Variants in CAB39 observed in about 807,000 individuals in gnomAD.
CAB39 encodes the protein calcium binding protein 39.
Under a neutral mutation model 40.0 loss-of-function variants are expected in CAB39, and 8 were observed. That is an observed-to-expected ratio of 0.20 (90% CI 0.12 to 0.36). The LOEUF is 0.36. Among genes scored for constraint, CAB39 ranks in the 10% least tolerant of loss-of-function variants. The pLI is 1.00. For synonymous variants in CAB39, 156 were observed against 141.6 expected (o/e 1.10, Z -0.72); for missense variants, 270 against 401.1 (o/e 0.67, Z 2.79).
chr2:230,744,502 C>T (rs1024561773), intron 1 of CAB39, among the ~76,000 whole-genome samples: 3 of 151,216 alleles, frequency 2.0e-5, no homozygotes, highest in African/African-American at 7.3e-5. Flanking sequence ...CCGTGTTGGC[C>T]AGGCTGGTCT....
intron 2 of CAB39, among the ~76,000 whole-genome samples, chr2:230,782,813 C>CTTTCTTTCTTT (rs1286339069): frequency 1.6e-4 from 13 of 81,750 alleles, no homozygotes; most frequent in Non-Finnish European, 2.1e-4. Flanking sequence ...TTCTTTCTTT[C>CTTTCTTTCTTT]TTTTTTTTTT....
chr2:230,794,545 A>G (rs1695947010), intron 4 of CAB39, among the ~76,000 whole-genome samples: 1 of 152,214 alleles, frequency 6.6e-6, no homozygotes, highest in South Asian at 2.1e-4. Flanking sequence ...CAGAGGCATG[A>G]TATGAATGTT....
chr2:230,770,932 A>C (rs1695471729), intron 2 of CAB39, among the ~76,000 whole-genome samples: 1 of 152,208 alleles, frequency 6.6e-6, no homozygotes, highest in African/African-American at 2.4e-5. Flanking sequence ...TACAGCTAGC[A>C]TTATACATAT....
At chr2:230,815,928 C>T (rs1696392702) in intron 7 of CAB39, among the ~76,000 whole-genome samples, 1 of 152,190 alleles carries the variant, frequency 6.6e-6, no homozygotes, top group Admixed American at 6.5e-5. Context: ...ATATTTATGT[C>T]GCCAGCAAAT....
At position 230,718,799 on chromosome 2, in the gene CAB39, C is replaced by A. The variant is rs527873985; in HGVS notation, c.-44+5569C>A. ...ACACTGAGGCCCACCGTAACTAGAG[C>A]AGAGTTTGGTTCACTTTGAGCAGTA... On this transcript the variant is annotated intron_variant, in intron 1 of 8. Transcript: ENST00000258418. Among the ~76,000 whole-genome samples, 3 of 152,296 alleles carry A rather than the reference C, an allele frequency of 2.0e-5. No homozygotes were observed. In the East Asian group the frequency reaches 5.8e-4, roughly 29 times the overall value.
intron 1 of CAB39, among the ~76,000 whole-genome samples, chr2:230,722,173 G>A (rs76901213): frequency 0.039 from 5,916 of 151,578 alleles, 399 homozygotes; most frequent in African/African-American, 0.14. Context: ...TTACTACATA[G>A]AATGCATTCT....
chr2:230,745,221 A>G (rs1247993902), intron 1 of CAB39, among the ~76,000 whole-genome samples: 2 of 152,252 alleles, frequency 1.3e-5, no homozygotes, highest in African/African-American at 4.8e-5. Context: ...TACTTGACAT[A>G]TATAATAGGT....
intron 1 of CAB39, among the ~76,000 whole-genome samples, chr2:230,748,829 AAAATATATATAT>A (rs1302143993): frequency 0.011 from 495 of 46,414 alleles, 10 homozygotes; most frequent in Middle Eastern, 0.061. Flanking sequence ...AAAAAAAAAA[AAAATATATATAT>A]ATATATATAT....
intron 2 of CAB39, among the ~76,000 whole-genome samples, chr2:230,768,412 G>A (rs1053804434): frequency 6.6e-6 from 1 of 152,172 alleles, no homozygotes; most frequent in Non-Finnish European, 1.5e-5. Flanking sequence ...CATCTTCCCT[G>A]TAGTTAAGGG....
Position 230,814,050 on chromosome 2 carries a change from T to G in CAB39, c.629T>G (p.Phe210Cys), listed in dbSNP as rs529287728. The change falls in exon 7 of 9, where the codon TTT (phenylalanine) becomes TGT (cysteine). Residue 210 changes from phenylalanine to cysteine, a missense_variant and splice_region_variant. Phe to Cys is a radical substitution (Grantham distance 205). Coordinates refer to ENST00000258418, the MANE Select transcript of CAB39 (RefSeq NM_016289.4). ...AEFLEQHYDR[F>C]FSEYEKLLHS... ...GATTTATGTTCTCTTATCTTTTAGT[T>G]TTTCAGTGAATATGAGAAGTTACTT... is the stretch of plus-strand genomic sequence containing the variant. 3 of 1,248,794 alleles carry G rather than the reference T, an allele frequency of 2.4e-6. No homozygotes were observed. Among genetic ancestry groups the G allele is most frequent in the Non-Finnish European group, 2.3e-6 (2 of 875,724 alleles). 77.4% of individuals were successfully genotyped at this position (1,248,794 alleles called of 1,614,324 possible). A position where few individuals can be genotyped will look rare whatever the true frequency, so the allele number is the denominator to read the frequency against.
intron 2 of CAB39, among the ~76,000 whole-genome samples, chr2:230,789,644 A>G (rs185652417): frequency 1.4e-3 from 215 of 152,232 alleles, no homozygotes; most frequent in African/African-American, 4.9e-3. Flanking sequence ...TTCCTTACCC[A>G]TGTGTGGTTA....
intron 1 of CAB39, among the ~76,000 whole-genome samples, chr2:230,731,912 G>A (rs529403071): frequency 6.6e-6 from 1 of 152,144 alleles, no homozygotes; most frequent in African/African-American, 2.4e-5. Context: ...TTCGAACTTC[G>A]TGTTGTTAAA....
intron 2 of CAB39, among the ~76,000 whole-genome samples, chr2:230,774,070 G>A (rs1032952423): frequency 1.3e-5 from 2 of 152,106 alleles, no homozygotes; most frequent in African/African-American, 4.8e-5. Flanking sequence ...CTGGTTTCCC[G>A]TGATCCAGAT....
chr2:230,776,854 A>T (rs1415598434), intron 2 of CAB39, among the ~76,000 whole-genome samples: 2 of 151,938 alleles, frequency 1.3e-5, no homozygotes, highest in Non-Finnish European at 2.9e-5. Flanking sequence ...CGCCCGGCTA[A>T]TTTTTTGTAT....
chr2:230,757,428 C>G (rs114236155), intron 1 of CAB39, among the ~76,000 whole-genome samples: 1 of 152,164 alleles, frequency 6.6e-6, no homozygotes, highest in Non-Finnish European at 1.5e-5. Context: ...CTTACTAGTT[C>G]ATATGTTCTG....
At chr2:230,782,420 A>G (rs1025802688) in intron 2 of CAB39, among the ~76,000 whole-genome samples, 1 of 152,156 alleles carries the variant, frequency 6.6e-6, no homozygotes, top group Non-Finnish European at 1.5e-5. Flanking sequence ...GAAGAAATCA[A>G]TGAGTACCAA....
intron 1 of CAB39, among the ~76,000 whole-genome samples, chr2:230,756,215 A>G (rs1211995722): frequency 6.6e-6 from 1 of 152,244 alleles, no homozygotes; most frequent in African/African-American, 2.4e-5. Context: ...TGCAAACATC[A>G]TAGAGTGTAC....
intron 1 of CAB39, among the ~76,000 whole-genome samples, chr2:230,731,933 C>G (rs956041594): frequency 6.6e-6 from 1 of 152,194 alleles, no homozygotes; most frequent in East Asian, 1.9e-4. Flanking sequence ...AATGTTCCAA[C>G]AAGTCCAGTT....
At chr2:230,785,857 GT>G (rs529689654) in intron 2 of CAB39, among the ~76,000 whole-genome samples, 12 of 147,958 alleles carry the variant, frequency 8.1e-5, no homozygotes, top group Non-Finnish European at 9.0e-5. Context: ...TAACTTTTGT[GT>G]TTTTTTTTTA....
Sources: allele counts gnomAD v4.1 joint callset (sites outside exome capture counted in the v4.1 genomes callset), GRCh38; gene constraint gnomAD v4.1.1; transcripts MANE v1.5; gene names NCBI Gene and HGNC (gene_info 2026-07-23, HGNC 2026-07-21).